Variants in LAMA5 observed in about 807,000 individuals in gnomAD.
LAMA5 encodes the protein laminin subunit alpha 5, also known as laminin subunit alpha-5.
A neutral mutation model predicts 433.4 loss-of-function variants in LAMA5; 260 were observed. That is an observed-to-expected ratio of 0.60 (90% CI 0.54 to 0.66). The LOEUF is 0.66. Among genes scored for constraint, LAMA5 ranks in the 30% least tolerant of loss-of-function variants. The probability of loss-of-function intolerance (pLI) is 0.00; values close to 1 mark genes in which losing one functional copy is unlikely to be tolerated. For missense variants in LAMA5, 5,378 were observed against 5,258.5 expected, an observed-to-expected ratio of 1.02 and a Z score of -0.70; for synonymous variants, 2,620 against 2,226.6, an observed-to-expected ratio of 1.18 and a Z score of -4.97.
At chr20:62,329,400 G>T in intron 32 of LAMA5, 147 bp from the exon 33 acceptor site, 1 of 645,852 alleles carries the variant, frequency 1.5e-6, no homozygotes, top group Non-Finnish European at 2.7e-6. Flanking sequence ...CCTGGGCCCT[G>T]GCTGCTCAGG....
At chr20:62,353,957 A>G (rs912428510) in intron 2 of LAMA5, among the ~76,000 whole-genome samples, 1 of 152,066 alleles carries the variant, frequency 6.6e-6, no homozygotes, top group Non-Finnish European at 1.5e-5. Flanking sequence ...CAGCCCAGGC[A>G]CTGGGGCAGT....
At chr20:62,354,278 G>A (rs1032019227) in intron 2 of LAMA5, among the ~76,000 whole-genome samples, 8 of 150,726 alleles carry the variant, frequency 5.3e-5, no homozygotes, top group South Asian at 4.2e-4. Flanking sequence ...CCTTCTCTCC[G>A]CACAGGCCAG....
Position 62,353,206 on chromosome 20 carries a change from G to T in LAMA5, c.496C>A (p.Arg166=). 6.3e-7 allele frequency: 1 copy of T among 1,590,084 alleles called. No individual in the cohort carries two copies. Among genetic ancestry groups the T allele is most frequent in the Non-Finnish European group, 8.6e-7 (1 of 1,169,042 alleles). The part of the protein sequence containing the change: ...YVLIKFANSP[R]PDLWVLERSM... ...CGCTCCAGCACCCAGAGGTCCGGCC[G>T]GGGTGAGTTGGCAAACTTGATGAGG... is the stretch of plus-strand genomic sequence containing the variant. Residue 166 remains arginine (R), a synonymous_variant, in exon 3 of 80, where the codon CGG becomes AGG. Coordinates refer to ENST00000252999, the MANE Select transcript of LAMA5 (RefSeq NM_005560.6).
chr20:62,336,423 C>G lies in LAMA5; in HGVS notation c.2240G>C (p.Arg747Pro). Residue 747 changes from arginine to proline, a missense_variant, in exon 18 of 80, where the codon CGG (arginine) becomes CCG (proline). Transcript: ENST00000252999. Reference sequence around the variant, plus strand: ...ACAGCTCGGCCCCTCCACGTGAGCCCGGCACATACAGGGAACCTGTGCCTG... The same window carrying G: ...ACAGCTCGGCCCCTCCACGTGAGCCGGGCACATACAGGGAACCTGTGCCTG... Reference protein sequence around the residue: ...LPEAQVPCMCRAHVEGPSCDR... With the variant: ...LPEAQVPCMCPAHVEGPSCDR... The G allele has an allele frequency of 6.2e-7, 1 of 1,612,470 alleles. No homozygotes were observed. The highest frequency in any genetic ancestry group is 8.5e-7 in the Non-Finnish European group (1 of 1,179,766).
At chr20:62,319,262 G>A (rs557685697) in intron 51 of LAMA5, 34 of 552,470 alleles carry the variant, frequency 6.2e-5, no homozygotes, top group East Asian at 4.9e-4. Context: ...GAGCCTTCTC[G>A]TCCTGCCCCT....
Position 62,322,347 on chromosome 20 carries a change from A to AGTGGCACTGTCCGCTCTGGGG in LAMA5, c.6247_6267dup (p.Pro2083_His2089dup). On this transcript the variant is annotated inframe_insertion, in exon 47 of 80. Coordinates refer to ENST00000252999, the MANE Select transcript of LAMA5 (RefSeq NM_005560.6). Reference sequence around the variant, plus strand: ...TGGGGTCCCATGGTCCCTGGTCGGCAGTGGCACTGTCCGCTCTGGGGGTGG... The same window carrying AGTGGCACTGTCCGCTCTGGGG: ...TGGGGTCCCATGGTCCCTGGTCGGCAGTGGCACTGTCCGCTCTGGGGGTGGCACTGTCCGCTCTGGGGGTGG... 6.3e-7 allele frequency: 1 copy of AGTGGCACTGTCCGCTCTGGGG among 1,596,104 alleles called. No homozygotes were observed.
At chr20:62,364,359 A>C (rs1006979593) in intron 1 of LAMA5, among the ~76,000 whole-genome samples, 2 of 152,136 alleles carry the variant, frequency 1.3e-5, no homozygotes, top group African/African-American at 4.8e-5. Flanking sequence ...TCCCAGACAC[A>C]CGAGCAGCAG....
chr20:62,320,986 C>T, intron 48 of LAMA5, 96 bp from the exon 49 acceptor site: 1 of 1,367,508 alleles, frequency 7.3e-7, no homozygotes, highest in Non-Finnish European at 1.0e-6. Context: ...GGGGAGGGCT[C>T]AGCCAGAGGT....
At chr20:62,353,291 G>A (rs1984653507) in intron 2 of LAMA5, 40 bp from the exon 3 acceptor site, 2 of 1,411,032 alleles carry the variant, frequency 1.4e-6, no homozygotes, top group Admixed American at 1.9e-5. Context: ...AGGGGCGCCT[G>A]GATTCCCATG....
At chr20:62,356,528 C>A (rs929491553) in intron 2 of LAMA5, 6 of 152,262 alleles carry the variant, frequency 3.9e-5, no homozygotes, top group African/African-American at 1.4e-4. Context: ...GCAGGCACGT[C>A]TCCAGGACGG....
At chr20:62,355,688 G>A (rs1601419304) in intron 2 of LAMA5, among the ~76,000 whole-genome samples, 1 of 152,204 alleles carries the variant, frequency 6.6e-6, no homozygotes, top group East Asian at 1.9e-4. Flanking sequence ...GCCCAGCAGG[G>A]AGGGGTATGA....
At chr20:62,309,615 G>GT (rs1364024920) in intron 79 of LAMA5, 101 bp downstream of exon 79, 20 of 503,338 alleles carry the variant, frequency 4.0e-5, no homozygotes, top group Non-Finnish European at 5.0e-5. Flanking sequence ...GGAGGAGGGT[G>GT]GGAGGGGGCA....
Position 62,324,863 on chromosome 20 carries a change from CCTT to C in LAMA5, c.5530-312_5530-310del, listed in dbSNP as rs1978977864. On this transcript the variant is annotated intron_variant, in intron 41 of 79. Coordinates refer to ENST00000252999, the MANE Select transcript of LAMA5 (RefSeq NM_005560.6). The surrounding 1 kb of genome is among the most constrained non-coding windows in gnomAD (Gnocchi z 4.4). ...TGGACCAGGGCCTACTCTTTCCACT[CCTT>C]CTAGGAGGTATTCAACCACAAACCT... is the stretch of plus-strand genomic sequence containing the variant. The C allele has an allele frequency of 9.1e-6, 4 of 439,948 alleles. No homozygotes were observed. The highest frequency in any genetic ancestry group is 7.6e-5 in the South Asian group (3 of 39,318). 27.3% of individuals were successfully genotyped at this position (439,948 alleles called of 1,614,324 possible).
chr20:62,338,592 C>T lies in LAMA5; in HGVS notation c.1494G>A (p.Ala498=), dbSNP rs146065187. The change falls in exon 12 of 80, where the codon GCG becomes GCA. Residue 498 remains alanine, a synonymous_variant. Transcript: ENST00000252999. ...GGCAGGCGTTGCCCTGGGTCCCTGC[C>T]GCGCTGCAGTCACAATCTGGAGGGT... ...AGQIVNCDCS[A]AGTQGNACRK... 132 of 1,610,092 alleles carry T rather than the reference C, an allele frequency of 8.2e-5. No individual in the cohort carries two copies. The highest frequency in any genetic ancestry group is 4.5e-4 in the South Asian group (41 of 90,456).
intron 55 of LAMA5, 93 bp downstream of exon 55, chr20:62,317,252 C>G: frequency 7.4e-7 from 1 of 1,353,768 alleles, no homozygotes; most frequent in Non-Finnish European, 9.8e-7. Context: ...ACGGCCTCAG[C>G]CCCTAGGAGC....
At chr20:62,323,941 G>A (rs553888128) in intron 43 of LAMA5, 85 bp from the exon 44 acceptor site, 72 of 1,448,408 alleles carry the variant, frequency 5.0e-5, no homozygotes, top group African/African-American at 2.1e-4. Flanking sequence ...TGGAACACAC[G>A]CCAGGCGTCG....
chr20:62,335,007 G>A lies in LAMA5; in HGVS notation c.2482+14C>T, dbSNP rs753517795. The A allele has an allele frequency of 2.4e-5, 39 of 1,608,736 alleles. No homozygotes were observed. The East Asian group carries it at 4.7e-4, about 19-fold the overall frequency. On this transcript the variant is annotated intron_variant, in intron 20 of 79. Coordinates refer to ENST00000252999, the MANE Select transcript of LAMA5 (RefSeq NM_005560.6). Reference sequence around the variant, plus strand: ...GGCAGGGCTGTGGTCTGGGACGAGCGAGTGGGCACTCACTGCGGCAGCCAA... The same window carrying A: ...GGCAGGGCTGTGGTCTGGGACGAGCAAGTGGGCACTCACTGCGGCAGCCAA...
rs545524419 is a variant in LAMA5 at position 62,309,388 on chromosome 20, C to T, written c.11036G>A (p.Arg3679His). 35 of 1,588,938 alleles carry T rather than the reference C, an allele frequency of 2.2e-5. No homozygotes were observed. Among genetic ancestry groups the T allele is most frequent in the Middle Eastern group, 2.3e-4 (1 of 4,426 alleles). The change falls in exon 80 of 80, where the codon CGC (arginine) becomes CAC (histidine). Residue 3679 changes from arginine to histidine, a missense_variant. Arg to His is a conservative substitution (Grantham distance 29). Coordinates refer to ENST00000252999, the MANE Select transcript of LAMA5 (RefSeq NM_005560.6). ...AVNRSPVAMT[R>H]SVEVHGAVGA... ...CACTGCCCCGTGGACCTCCACAGAG[C>T]GAGTCATGGCGACGGGGGACCGGTT...
Position 62,335,228 on chromosome 20 carries a change from C to T in LAMA5, c.2365G>A (p.Glu789Lys). Residue 789 changes from glutamate to lysine, a missense_variant, in exon 19 of 80, where the codon GAG becomes AAG. Transcript: ENST00000252999. ...GTCCTCAGACTCACCGGCTGGCACT[C>T]AGCAACTCCACCCAGTGTGCCCCTG... ...DLRGTLGGVA[E>K]CQPGTGQCFC... 6.2e-7 allele frequency: 1 copy of T among 1,612,778 alleles called. No individual in the cohort carries two copies.
Sources: gnomAD v4.1 joint callset for allele counts (sites outside exome capture counted in the v4.1 genomes callset) on GRCh38, gnomAD v4.1.1 for gene constraint, Gnocchi (gnomAD v3.1) non-coding constraint, MANE v1.5 for transcripts, NCBI Gene and HGNC (gene_info 2026-07-23, HGNC 2026-07-21) for gene names.